The following ALG10B variants were observed in gnomAD, a reference collection of about 807,000 sequenced individuals.
ALG10B encodes the protein dol-P-Glc:Glc(2)Man(9)GlcNAc(2)-PP-Dol alpha-1,2-glucosyltransferase B.
ALG10B carries 27 observed loss-of-function variants against 38.7 expected under a neutral mutation model. The observed-to-expected ratio is 0.70, with a 90% CI of 0.51 to 0.96. The LOEUF is 0.96. Among genes scored for constraint, ALG10B ranks in the 40% least tolerant of loss-of-function variants. ALG10B has a pLI of 0.00. For missense variants in ALG10B, 522 were observed against 542.7 expected (o/e 0.96, Z 0.38); for synonymous variants, 177 against 193.3 (o/e 0.92, Z 0.70).
In ALG10B at chr12:38,326,169, G is replaced by GATTTTATTTTATTTT. The variant is rs141976317; in HGVS notation, c.*4966_*4980dup. The GATTTTATTTTATTTT allele has an allele frequency of 6.7e-6, 1 of 149,080 alleles. No individual in the cohort carries two copies. Among genetic ancestry groups the GATTTTATTTTATTTT allele is most frequent in the Non-Finnish European group, 1.5e-5 (1 of 67,060 alleles). The allele number at this position is 149,080 out of a possible 1,614,324, so 9.2% of individuals were successfully genotyped here. A position where few individuals can be genotyped will look rare whatever the true frequency, so the allele number is the denominator to read the frequency against. The stretch of plus-strand genomic sequence containing the variant: ...CTTAAAACATGATGAGATATTTTGT[G>GATTTTATTTTATTTT]ATTTTATTTTATTTTATTTTATTTA... On this transcript the variant is annotated 3_prime_UTR_variant, in exon 3 of 3. Coordinates refer to ENST00000308742, the MANE Select transcript of ALG10B (RefSeq NM_001013620.4).
chr12:38,325,540 G>A lies in ALG10B; in HGVS notation c.*4327G>A, dbSNP rs1183355015. On this transcript the variant is annotated 3_prime_UTR_variant, in exon 3 of 3. Transcript: ENST00000308742. ...AAGAAATAAATTTTGTGTTTATTAG[G>A]TTAGCAAGCGTTTATTATCTTTGAA... 1.3e-5 allele frequency: 2 copies of A among 152,110 alleles called. No homozygotes were observed. The highest frequency in any genetic ancestry group is 2.9e-5 in the Non-Finnish European group (2 of 68,012). The allele number at this position is 152,110 out of a possible 1,614,324, so 9.4% of individuals were successfully genotyped here.
At chr12:38,317,151 C>G in intron 1 of ALG10B, 87 bp downstream of exon 1, 1 of 1,583,540 alleles carries the variant, frequency 6.3e-7, no homozygotes, top group Non-Finnish European at 8.6e-7. Context: ...AGACTTAACT[C>G]GTCCCTTTCC....
In ALG10B at chr12:38,320,194, T is replaced by C; in HGVS notation, c.403T>C (p.Leu135=). Residue 135 remains leucine (L), a synonymous_variant, in exon 3 of 3, where the codon TTA becomes CTA. Coordinates refer to ENST00000308742, the MANE Select transcript of ALG10B (RefSeq NM_001013620.4). Reference sequence around the variant, plus strand: ...AAGTATCCAGAGAGTCTTGTCAACATTAACACTAGCAGTATTTCCAACACT... The same window carrying C: ...AAGTATCCAGAGAGTCTTGTCAACACTAACACTAGCAGTATTTCCAACACT... ...ASSIQRVLST[L]TLAVFPTLYF... 6.2e-7 allele frequency: 1 copy of C among 1,614,044 alleles called. No individual in the cohort carries two copies. The highest frequency in any genetic ancestry group is 8.5e-7 in the Non-Finnish European group (1 of 1,179,918).
rs556918083 is a variant in ALG10B, at chr12:38,325,413, G to A, written c.*4200G>A. On this transcript the variant is annotated 3_prime_UTR_variant, in exon 3 of 3. Transcript: ENST00000308742. ...TGATATTATTTTCCTTAGAATTGTT[G>A]GAAGAGAGGAGAGAGGAAGGGATCT... 2 of 151,982 alleles carry A rather than the reference G, an allele frequency of 1.3e-5. No homozygotes were observed. Among genetic ancestry groups the A allele is most frequent in the African/African-American group, 2.4e-5 (1 of 41,400 alleles). 9.4% of individuals were successfully genotyped at this position (151,982 alleles called of 1,614,324 possible). A position where few individuals can be genotyped will look rare whatever the true frequency, so the allele number is the denominator to read the frequency against.
rs1945715373 is a variant in ALG10B at position 38,322,944 on chromosome 12, T to G, written c.*1731T>G. 1 of 152,224 alleles carries G rather than the reference T, an allele frequency of 6.6e-6. No individual in the cohort carries two copies. 9.4% of individuals were successfully genotyped at this position (152,224 alleles called of 1,614,324 possible). A position where few individuals can be genotyped will look rare whatever the true frequency, so the allele number is the denominator to read the frequency against. The stretch of plus-strand genomic sequence containing the variant: ...TATTGTTGCAAATGACACAATTTCT[T>G]CCTTTTTAAAGGCTGAATAGTATTT... On this transcript the variant is annotated 3_prime_UTR_variant, in exon 3 of 3. Coordinates refer to ENST00000308742, the MANE Select transcript of ALG10B (RefSeq NM_001013620.4).
In ALG10B at chr12:38,322,997, T is replaced by C. The variant is rs1945715814; in HGVS notation, c.*1784T>C. 6.6e-6 allele frequency: 1 copy of C among 152,194 alleles called. No homozygotes were observed. The highest frequency in any genetic ancestry group is 2.4e-5 in the African/African-American group (1 of 41,446). 9.4% of individuals were successfully genotyped at this position (152,194 alleles called of 1,614,324 possible). ...TTGTATATATATGCCACATTTTCTTTATCCATTCATCCATGGATGGACACT... is the reference window on the plus strand; with the variant it reads ...TTGTATATATATGCCACATTTTCTTCATCCATTCATCCATGGATGGACACT... On this transcript the variant is annotated 3_prime_UTR_variant, in exon 3 of 3. Transcript: ENST00000308742.
At position 38,321,941 on chromosome 12, in the gene ALG10B, T is replaced by A. The variant is rs1945708350; in HGVS notation, c.*728T>A. 6.6e-6 allele frequency: 1 copy of A among 152,238 alleles called. No homozygotes were observed. The highest frequency in any genetic ancestry group is 2.4e-5 in the African/African-American group (1 of 41,480). The allele number at this position is 152,238 out of a possible 1,614,324, so 9.4% of individuals were successfully genotyped here. On this transcript the variant is annotated 3_prime_UTR_variant, in exon 3 of 3. Coordinates refer to ENST00000308742, the MANE Select transcript of ALG10B (RefSeq NM_001013620.4). ...TCCTTTAAAAGGGGGATTTCCTTTA[T>A]GAAATACATATTGTATTAGCTTCCC...
Position 38,320,433 on chromosome 12 carries a change from A to G in ALG10B, c.642A>G (p.Gln214=), listed in dbSNP as rs1174136545. 1.2e-6 allele frequency: 2 copies of G among 1,613,994 alleles called. No homozygotes were observed. Among genetic ancestry groups the G allele is most frequent in the African/African-American group, 1.3e-5 (1 of 74,924 alleles). The change falls in exon 3 of 3, where the codon CAA becomes CAG. Residue 214 remains glutamine (Q), a synonymous_variant. Transcript: ENST00000308742. ...KLTEAWKTEL[Q]KKEDRLPPIK... ...CTGAGGCTTGGAAAACTGAGCTACA[A>G]AAGAAGGAAGACAGACTTCCACCTA...
intron 2 of ALG10B, 130 bp downstream of exon 2, chr12:38,318,588 A>G: frequency 8.9e-7 from 1 of 1,119,308 alleles, no homozygotes; most frequent in South Asian, 1.4e-5. Context: ...TATATTATGT[A>G]AAGGTAAATT....
intron 2 of ALG10B, among the ~76,000 whole-genome samples, chr12:38,319,157 A>G (rs1945680782): frequency 1.3e-5 from 2 of 152,156 alleles, no homozygotes; most frequent in Non-Finnish European, 2.9e-5. Context: ...GGACACAGAG[A>G]AGGAGCAGGG....
chr12:38,320,445 C>T lies in ALG10B; in HGVS notation c.654C>T (p.Asp218=). 2 of 1,614,064 alleles carry T rather than the reference C, an allele frequency of 1.2e-6. No homozygotes were observed. The highest frequency in any genetic ancestry group is 1.6e-4 in the Middle Eastern group (1 of 6,062). ...AAACTGAGCTACAAAAGAAGGAAGA[C>T]AGACTTCCACCTATTAAAGGACCAT... is the stretch of plus-strand genomic sequence containing the variant. ...AWKTELQKKE[D]RLPPIKGPFA... Residue 218 remains aspartate (D), a synonymous_variant, in exon 3 of 3, where the codon GAC becomes GAT. Transcript: ENST00000308742.
Position 38,329,562 on chromosome 12 carries a change from A to T in ALG10B, c.*8349A>T. The T allele has an allele frequency of 4.7e-6, 1 of 214,624 alleles. No individual in the cohort carries two copies. Among genetic ancestry groups the T allele is most frequent in the East Asian group, 9.9e-5 (1 of 10,094 alleles). 13.3% of individuals were successfully genotyped at this position (214,624 alleles called of 1,614,324 possible). A position where few individuals can be genotyped will look rare whatever the true frequency, so the allele number is the denominator to read the frequency against. ...TATATGCTTTTAAGTTATGTATTAC[A>T]TACTATTCTCTAAAATAGAAATGTT... On this transcript the variant is annotated 3_prime_UTR_variant, in exon 3 of 3. Coordinates refer to ENST00000308742, the MANE Select transcript of ALG10B (RefSeq NM_001013620.4).
rs1430519111 is a variant in ALG10B at position 38,324,566 on chromosome 12, G to A, written c.*3353G>A. 4 of 152,150 alleles carry A rather than the reference G, an allele frequency of 2.6e-5. No homozygotes were observed. Among genetic ancestry groups the A allele is most frequent in the Non-Finnish European group, 4.4e-5 (3 of 68,014 alleles). The allele number at this position is 152,150 out of a possible 1,614,324, so 9.4% of individuals were successfully genotyped here. A position where few individuals can be genotyped will look rare whatever the true frequency, so the allele number is the denominator to read the frequency against. On this transcript the variant is annotated 3_prime_UTR_variant, in exon 3 of 3. Transcript: ENST00000308742. ...TTTCGAATTTAAGATAAATGTCTTCGTTAAATTTTCTAGGCAGTTCAAAGA... is the reference window on the plus strand; with the variant it reads ...TTTCGAATTTAAGATAAATGTCTTCATTAAATTTTCTAGGCAGTTCAAAGA...
intron 2 of ALG10B, among the ~76,000 whole-genome samples, chr12:38,319,404 T>A (rs978148305): frequency 6.6e-6 from 1 of 152,174 alleles, no homozygotes; most frequent in African/African-American, 2.4e-5. Context: ...GCTAGAGAAG[T>A]AGGTCATGAA....
Position 38,323,588 on chromosome 12 carries a change from T to C in ALG10B, c.*2375T>C, listed in dbSNP as rs1272189838. On this transcript the variant is annotated 3_prime_UTR_variant, in exon 3 of 3. Coordinates refer to ENST00000308742, the MANE Select transcript of ALG10B (RefSeq NM_001013620.4). ...TTTTGCTTCTCTGAGTTTTAAGTGA[T>C]GAGTCTACATTTACAAATATAAAAT... The C allele has an allele frequency of 8.3e-6, 2 of 240,496 alleles. No individual in the cohort carries two copies. The highest frequency in any genetic ancestry group is 1.0e-4 in the Admixed American group (2 of 19,446). The allele number at this position is 240,496 out of a possible 1,614,324, so 14.9% of individuals were successfully genotyped here.
chr12:38,318,736 G>C (rs570596154), intron 2 of ALG10B, among the ~76,000 whole-genome samples: 2 of 152,254 alleles, frequency 1.3e-5, no homozygotes, highest in Admixed American at 6.5e-5. Context: ...CATGTGCTGG[G>C]GACTGGGACT....
In ALG10B at chr12:38,326,495, T is replaced by C. The variant is rs200141981; in HGVS notation, c.*5282T>C. 8.1e-5 allele frequency: 2 copies of C among 24,558 alleles called. No homozygotes were observed. The highest frequency in any genetic ancestry group is 6.0e-4 in the African/African-American group (2 of 3,322). The allele number at this position is 24,558 out of a possible 1,614,324, so 1.5% of individuals were successfully genotyped here. ...CTTATTAAAGAAACTTTATACCCTA[T>C]TAAGGGTATAATTTCAAAATAATTG... On this transcript the variant is annotated 3_prime_UTR_variant, in exon 3 of 3. Transcript: ENST00000308742.
rs932893145 is a variant in ALG10B at position 38,324,703 on chromosome 12, C to A, written c.*3490C>A. The A allele has an allele frequency of 1.3e-5, 2 of 152,158 alleles. No homozygotes were observed. Among genetic ancestry groups the A allele is most frequent in the Non-Finnish European group, 1.5e-5 (1 of 68,014 alleles). The allele number at this position is 152,158 out of a possible 1,614,324, so 9.4% of individuals were successfully genotyped here. On this transcript the variant is annotated 3_prime_UTR_variant, in exon 3 of 3. Coordinates refer to ENST00000308742, the MANE Select transcript of ALG10B (RefSeq NM_001013620.4). ...GTCGTTCAAGAAATGATACTAAACT[C>A]AAAGTCATTCACTTGAAACAACTGA...
chr12:38,316,718 A>G, upstream of ALG10B: 2 of 1,041,148 alleles, frequency 1.9e-6, no homozygotes, highest in Non-Finnish European at 2.9e-6. Context: ...TCCAGGAAAC[A>G]GCGACCCGCT....
Sources: gnomAD v4.1 joint callset for allele counts (sites outside exome capture counted in the v4.1 genomes callset) on GRCh38, gnomAD v4.1.1 for gene constraint, MANE v1.5 for transcripts, NCBI Gene and HGNC (gene_info 2026-07-23, HGNC 2026-07-21) for gene names.